The following RBM24 variants were observed in gnomAD, a reference collection of about 807,000 sequenced individuals.
RBM24 encodes RNA binding motif protein 24.
In RBM24, 5 loss-of-function variants were observed where a neutral mutation model predicts 23.6. The observed-to-expected ratio is 0.21, with a 90% CI of 0.11 to 0.45. The LOEUF (loss-of-function observed/expected upper bound fraction) is 0.45. Ranked by LOEUF, RBM24 falls within the 20% of genes least tolerant of loss-of-function variation. The pLI is 0.99. For synonymous variants in RBM24, 151 were observed against 129.5 expected (o/e 1.17, Z -1.13); for missense variants, 252 against 314.6 (o/e 0.80, Z 1.51).
intron 3 of RBM24, chr6:17,290,870 C>T (rs1249878648): frequency 1.6e-6 from 2 of 1,289,742 alleles, no homozygotes; most frequent in African/African-American, 1.5e-5. Flanking sequence ...CTGGCTGACC[C>T]TCAGGTGCCT....
At chr6:17,291,673 A>G in intron 3 of RBM24, 83 bp from the exon 4 acceptor site, 1 of 1,447,436 alleles carries the variant, frequency 6.9e-7, no homozygotes, top group South Asian at 1.3e-5. Context: ...ATAACCACTA[A>G]ATTTGAGTTT....
In RBM24 at chr6:17,292,014, C is replaced by T. The variant is rs1581438465; in HGVS notation, c.606C>T (p.Thr202=). ...GYGYAVQQPI[T]AAAPGTAAAA... ...GCTACGCAGTCCAGCAGCCAATCAC[C>T]GCAGCGGCACCTGGGACAGCTGCCG... The change falls in exon 4 of 4, where the codon ACC becomes ACT. Residue 202 remains threonine, a synonymous_variant. Transcript: ENST00000379052. 1.2e-6 allele frequency: 2 copies of T among 1,603,816 alleles called. No individual in the cohort carries two copies. The highest frequency in any genetic ancestry group is 1.1e-5 in the South Asian group (1 of 90,934).
Position 17,281,687 on chromosome 6 carries a change from G to A in RBM24, c.106G>A (p.Glu36Lys). 1 of 1,552,004 alleles carries A rather than the reference G, an allele frequency of 6.4e-7. No homozygotes were observed. Among genetic ancestry groups the A allele is most frequent in the Non-Finnish European group, 8.7e-7 (1 of 1,147,366 alleles). The change falls in exon 1 of 4, where the codon GAG becomes AAG. Residue 36 changes from glutamate to lysine, a missense_variant. Glu to Lys is a moderately conservative substitution (Grantham distance 56). Transcript: ENST00000379052. This position sits in a 1 kb window ranked among gnomAD's most constrained non-coding sequence, Gnocchi z 7.1. ...GCGCAAGTACTTCGAGGTCTTCGGC[G>A]AGATCGAGGAGGCGGTGGTCATCAC... ...SLRKYFEVFG[E>K]IEEAVVITDR...
intron 3 of RBM24, chr6:17,289,562 C>G: frequency 1.0e-6 from 1 of 985,376 alleles, no homozygotes; most frequent in Non-Finnish European, 1.2e-6. Flanking sequence ...ACACTTTCTC[C>G]TTTTTGTAGG....
At chr6:17,290,639 G>A (rs1014686850) in intron 3 of RBM24, among the ~76,000 whole-genome samples, 3 of 152,150 alleles carry the variant, frequency 2.0e-5, no homozygotes, top group East Asian at 1.9e-4. Flanking sequence ...AAATATCAAC[G>A]AATAGGGCAG....
At position 17,281,466 on chromosome 6, in the gene RBM24, C is replaced by T. The variant is rs1760010413; in HGVS notation, c.-116C>T. 1 of 938,390 alleles carries T rather than the reference C, an allele frequency of 1.1e-6. No individual in the cohort carries two copies. Among genetic ancestry groups the T allele is most frequent in the East Asian group, 6.2e-5 (1 of 16,034 alleles). 58.1% of individuals were successfully genotyped at this position (938,390 alleles called of 1,614,324 possible). ...CCGCCGCCCTCGCCCCCGGGCTCGCCCTTGGCCCCCGGCGGCCGCGAAAGG... is the reference window on the plus strand; with the variant it reads ...CCGCCGCCCTCGCCCCCGGGCTCGCTCTTGGCCCCCGGCGGCCGCGAAAGG... On this transcript the variant is annotated 5_prime_UTR_variant, in exon 1 of 4. Transcript: ENST00000379052. This position sits in a 1 kb window ranked among gnomAD's most constrained non-coding sequence, Gnocchi z 7.1.
intron 3 of RBM24, chr6:17,288,177 C>G: frequency 3.4e-6 from 3 of 892,334 alleles, no homozygotes; most frequent in Non-Finnish European, 4.0e-6. Context: ...GAATCATGGT[C>G]TGCCTGACCT....
rs1279696947 is a variant in RBM24, at chr6:17,292,055, C to G, written c.647C>G (p.Ala216Gly). 2 of 1,593,216 alleles carry G rather than the reference C, an allele frequency of 1.3e-6. No individual in the cohort carries two copies. The highest frequency in any genetic ancestry group is 1.7e-6 in the Non-Finnish European group (2 of 1,174,722). ...ACAGCTGCCGCCGCCGCTGCAGCAG[C>G]TGCTGCCGCTGCAGCATTTGGCCAG... ...PGTAAAAAAA[A>G]AAAAAFGQYQ... The change falls in exon 4 of 4, where the codon GCT becomes GGT. Residue 216 changes from alanine (A) to glycine (G), a missense_variant. Coordinates refer to ENST00000379052, the MANE Select transcript of RBM24 (RefSeq NM_001143942.2).
At chr6:17,291,619 A>G (rs1226709144) in intron 3 of RBM24, 137 bp from the exon 4 acceptor site, 7 of 952,884 alleles carry the variant, frequency 7.3e-6, no homozygotes, top group East Asian at 7.3e-5. Flanking sequence ...AGTATTCTCA[A>G]TGGACCACTA....
intron 1 of RBM24, chr6:17,282,066 A>G: frequency 1.6e-6 from 2 of 1,260,582 alleles, no homozygotes; most frequent in Non-Finnish European, 2.0e-6. Context: ...AACCCTGAAC[A>G]ATTGCATTCC....
chr6:17,290,681 A>G (rs954652395), intron 3 of RBM24, among the ~76,000 whole-genome samples: 1 of 152,230 alleles, frequency 6.6e-6, no homozygotes, highest in Non-Finnish European at 1.5e-5. Context: ...TATTTCTGCT[A>G]ATTTGGAGGA....
rs188456545 is a variant in RBM24 at position 17,290,307 on chromosome 6, T to A, written c.348-1449T>A. Among the ~76,000 whole-genome samples the A allele has an allele frequency of 1.6e-3, 241 of 152,348 alleles. 3 individuals carry two copies. The Middle Eastern group carries it at 0.041, about 26-fold the overall frequency. ...GTTGGCTTTGCCAGCAACCACGTAG[T>A]ATTATAGTGTCATGTTTTTAGATAT... On this transcript the variant is annotated intron_variant, in intron 3 of 3. Coordinates refer to ENST00000379052, the MANE Select transcript of RBM24 (RefSeq NM_001143942.2).
intron 3 of RBM24, among the ~76,000 whole-genome samples, chr6:17,285,679 C>T (rs911974411): frequency 3.3e-5 from 5 of 152,120 alleles, no homozygotes; most frequent in Non-Finnish European, 5.9e-5. Flanking sequence ...TTTTGAGTAG[C>T]GTCACACTAA....
rs1760047226 is a variant in RBM24 at position 17,282,284 on chromosome 6, C to CCTT, written c.169-519_169-517dup. 92 of 1,275,182 alleles carry CCTT rather than the reference C, an allele frequency of 7.2e-5. No individual in the cohort carries two copies. The South Asian group carries it at 1.1e-3, about 15-fold the overall frequency. 79.0% of individuals were successfully genotyped at this position (1,275,182 alleles called of 1,614,324 possible). Reference sequence around the variant, plus strand: ...AACTGAAACAGAGCATATTAAGCTTCCTTCCTAGAGATTTAAGCGTGCAAA... The same window carrying CCTT: ...AACTGAAACAGAGCATATTAAGCTTCCTTCTTCCTAGAGATTTAAGCGTGCAAA... On this transcript the variant is annotated intron_variant, in intron 1 of 3. Transcript: ENST00000379052.
At chr6:17,289,567 T>C (rs1581435555) in intron 3 of RBM24, 3 of 985,314 alleles carry the variant, frequency 3.0e-6, no homozygotes, top group South Asian at 9.4e-5. Flanking sequence ...TTCTCCTTTT[T>C]GTAGGATAAA....
At chr6:17,286,635 C>T (rs1760207551) in intron 3 of RBM24, among the ~76,000 whole-genome samples, 1 of 152,096 alleles carries the variant, frequency 6.6e-6, no homozygotes, top group Admixed American at 6.5e-5. Context: ...TTCAGAGTAG[C>T]AAGAAAATAG....
At chr6:17,285,916 ATTTTCTTT>A (rs1760181227) in intron 3 of RBM24, among the ~76,000 whole-genome samples, 2 of 152,024 alleles carry the variant, frequency 1.3e-5, no homozygotes. Flanking sequence ...GGATACTTAA[ATTTTCTTT>A]TTAAATGTTC....
At chr6:17,289,331 C>T (rs149528814) in intron 3 of RBM24, 6 of 985,280 alleles carry the variant, frequency 6.1e-6, no homozygotes, top group Non-Finnish European at 7.2e-6. Context: ...TTCGGGTTCT[C>T]CTTTTCCCTC....
intron 1 of RBM24, chr6:17,282,359 C>T: frequency 2.5e-6 from 2 of 807,992 alleles, no homozygotes; most frequent in African/African-American, 1.8e-5. Context: ...TAGCTATTGT[C>T]GTTGGGGAGT....
Sources: gnomAD v4.1 joint callset for allele counts (sites outside exome capture counted in the v4.1 genomes callset) on GRCh38, gnomAD v4.1.1 for gene constraint, Gnocchi (gnomAD v3.1) non-coding constraint, MANE v1.5 for transcripts, NCBI Gene and HGNC (gene_info 2026-07-23, HGNC 2026-07-21) for gene names.